Variants in SEPTIN12 observed in about 807,000 individuals in gnomAD.
SEPTIN12 encodes septin-12.
Under a neutral mutation model 37.7 loss-of-function variants are expected in SEPTIN12, and 42 were observed. The observed-to-expected ratio is 1.11, with a 90% confidence interval of 0.87 to 1.44. The LOEUF (loss-of-function observed/expected upper bound fraction) is 1.44, where lower values mean the gene tolerates loss of function less well. SEPTIN12 is among the 40% of genes most tolerant of loss of function. The probability of loss-of-function intolerance (pLI) is 0.00; values close to 1 mark genes in which losing one functional copy is unlikely to be tolerated. For missense variants in SEPTIN12, 613 were observed against 479.2 expected, an observed-to-expected ratio of 1.28 and a Z score of -2.61; for synonymous variants, 254 against 196.7, an observed-to-expected ratio of 1.29 and a Z score of -2.44.
Position 4,777,892 on chromosome 16 carries a change from C to G in SEPTIN12, c.982G>C (p.Val328Leu). The G allele has an allele frequency of 1.3e-6, 2 of 1,598,890 alleles. No individual in the cohort carries two copies. Among genetic ancestry groups the G allele is most frequent in the East Asian group, 2.3e-5 (1 of 44,344 alleles). Residue 328 changes from valine to leucine, a missense_variant, in exon 10 of 10, where the codon GTG (valine) becomes CTG (leucine). Val to Leu is a conservative substitution (Grantham distance 32). Transcript: ENST00000268231. ...CCTGGGGAGGCCGGGGCCAGGTTCA[C>G]CCAGCCGGGCCCGCGGGGCAGCAGG... is the stretch of plus-strand genomic sequence containing the variant. ...SHLLPRGPGW[V>L]NLAPASPGQL...
At position 4,779,889 on chromosome 16, in the gene SEPTIN12, G is replaced by A. The variant is rs900834164; in HGVS notation, c.727-103C>T. 2.1e-5 allele frequency: 16 copies of A among 754,630 alleles called. 1 individual carries two copies. The highest frequency in any genetic ancestry group is 1.6e-4 in the South Asian group (11 of 68,910). 46.7% of individuals were successfully genotyped at this position (754,630 alleles called of 1,614,324 possible). A position where few individuals can be genotyped will look rare whatever the true frequency, so the allele number is the denominator to read the frequency against. On this transcript the variant is annotated intron_variant, in intron 7 of 9. Transcript: ENST00000268231. ...AGGAGAGGGGAGTCCTATCCTTTTC[G>A]AGGAGGGAACATGGTAGAAAGTGCA...
chr16:4,779,819 T>C (rs755909600), intron 7 of SEPTIN12, 33 bp from the exon 8 acceptor site: 3 of 1,434,276 alleles, frequency 2.1e-6, no homozygotes, highest in Non-Finnish European at 3.0e-6. Flanking sequence ...GATGGGAGGA[T>C]TGACTTCGCT....
At chr16:4,783,883 C>G in intron 5 of SEPTIN12, 48 bp downstream of exon 5, 1 of 1,612,566 alleles carries the variant, frequency 6.2e-7, no homozygotes, top group Admixed American at 1.7e-5. Flanking sequence ...TTCTCCTCCT[C>G]CCTGCCCCGT....
At chr16:4,787,370 G>C (rs2082471916) in intron 2 of SEPTIN12, 110 bp downstream of exon 2, 2 of 951,050 alleles carry the variant, frequency 2.1e-6, no homozygotes, top group South Asian at 2.6e-5. Flanking sequence ...CTATTATCAG[G>C]CCCACCTAAG....
chr16:4,779,784 G>A lies in SEPTIN12; in HGVS notation c.729C>T (p.Asp243=), dbSNP rs374070665. 5.0e-6 allele frequency: 8 copies of A among 1,608,422 alleles called. No individual in the cohort carries two copies. The highest frequency in any genetic ancestry group is 1.6e-4 in the Middle Eastern group (1 of 6,066). ...NDKILNSKLR[D]RIPFAVVGAD... is the part of the protein sequence containing the mutation. Reference sequence around the variant, plus strand: ...CCCCTACCACGGCAAAAGGGATTCGGTCCTGGGAAAGGAGAAGACACAGAG... The same window carrying A: ...CCCCTACCACGGCAAAAGGGATTCGATCCTGGGAAAGGAGAAGACACAGAG... The change falls in exon 8 of 10, where the codon GAC becomes GAT. Residue 243 remains aspartate, a splice_region_variant and synonymous_variant. Transcript: ENST00000268231.
At chr16:4,782,610 CT>C (rs952525438) in intron 7 of SEPTIN12, among the ~76,000 whole-genome samples, 23 of 148,972 alleles carry the variant, frequency 1.5e-4, no homozygotes, top group Middle Eastern at 6.8e-3. Flanking sequence ...TTCCACAGCA[CT>C]TTTTTTTTTA....
intron 7 of SEPTIN12, among the ~76,000 whole-genome samples, chr16:4,781,702 C>T (rs1056772985): frequency 6.5e-5 from 9 of 138,568 alleles, no homozygotes; most frequent in Non-Finnish European, 9.2e-5. Flanking sequence ...TGGGGTGCAA[C>T]GGTGTGATCT....
chr16:4,786,535 T>C (rs1245667681), intron 2 of SEPTIN12, among the ~76,000 whole-genome samples: 7 of 151,726 alleles, frequency 4.6e-5, no homozygotes, highest in Non-Finnish European at 1.0e-4. Flanking sequence ...TTTTGTATTT[T>C]TAGTAGAGAC....
chr16:4,777,828 C>A lies in SEPTIN12; in HGVS notation c.1046G>T (p.Gly349Val). ...CTCATCATCAGAATCGTCATGGGCC[C>A]CCCTGCAGACCTTGAAGGTCCGGGG... ...TTPRTFKVCR[G>V]AHDDSDDEF The change falls in exon 10 of 10, where the codon GGG (glycine) becomes GTG (valine). Residue 349 changes from glycine to valine, a missense_variant. By Grantham distance (109) the Gly-to-Val change is moderately radical. Coordinates refer to ENST00000268231, the MANE Select transcript of SEPTIN12 (RefSeq NM_144605.5). The A allele has an allele frequency of 6.3e-7, 1 of 1,583,924 alleles. No individual in the cohort carries two copies. Among genetic ancestry groups the A allele is most frequent in the Non-Finnish European group, 8.6e-7 (1 of 1,165,958 alleles).
intron 8 of SEPTIN12, among the ~76,000 whole-genome samples, chr16:4,779,241 C>T (rs1239937018): frequency 1.3e-5 from 2 of 151,796 alleles, no homozygotes; most frequent in East Asian, 1.9e-4. Context: ...TCCTCTCCCT[C>T]CCGCCACAAT....
chr16:4,791,415 T>C (rs2082549086), upstream of SEPTIN12, among the ~76,000 whole-genome samples: 1 of 152,186 alleles, frequency 6.6e-6, no homozygotes, highest in Admixed American at 6.6e-5. Flanking sequence ...CTGTGAGCCT[T>C]CCATCATGCT....
intron 4 of SEPTIN12, among the ~76,000 whole-genome samples, chr16:4,784,589 G>GGGAAACGGCAACTCTACAAAAAATACAC (rs1567567165): frequency 2.0e-5 from 3 of 149,556 alleles, no homozygotes; most frequent in South Asian, 4.4e-4. Flanking sequence ...GGGCAACATG[G>GGGAAACGGCAACTCTACAAAAAATACAC]GGAAACGCCA....
intron 8 of SEPTIN12, among the ~76,000 whole-genome samples, chr16:4,778,493 C>A (rs2082337910): frequency 6.6e-6 from 1 of 152,206 alleles, no homozygotes; most frequent in African/African-American, 2.4e-5. Context: ...GGTGCTATAT[C>A]ATAGGCAATA....
At position 4,777,933 on chromosome 16, in the gene SEPTIN12, C is replaced by A. The variant is rs1292097744; in HGVS notation, c.941G>T (p.Arg314Ile). Reference protein sequence around the residue: ...NIHYENYRVIRLNESHLLPRG... With the variant: ...NIHYENYRVIILNESHLLPRG... ...GGGCAGCAGGTGGCTTTCATTGAGT[C>A]TGATGACGCGGTAGTTCTCATAGTG... The change falls in exon 10 of 10, where the codon AGA becomes ATA. Residue 314 changes from arginine to isoleucine, a missense_variant. Transcript: ENST00000268231. The A allele has an allele frequency of 6.2e-7, 1 of 1,607,742 alleles. No homozygotes were observed. The highest frequency in any genetic ancestry group is 8.5e-7 in the Non-Finnish European group (1 of 1,177,426).
At chr16:4,790,599 C>T (rs1368051717), upstream of SEPTIN12, among the ~76,000 whole-genome samples, 1 of 152,110 alleles carries the variant, frequency 6.6e-6, no homozygotes, top group Non-Finnish European at 1.5e-5. Context: ...ACCAGCCTGG[C>T]CAACATGGCG....
intron 6 of SEPTIN12, 35 bp downstream of exon 6, chr16:4,783,614 C>CTCCCT (rs759214047): frequency 6.2e-7 from 1 of 1,612,116 alleles, no homozygotes; most frequent in Non-Finnish European, 8.5e-7. Context: ...CCTCTGCCCC[C>CTCCCT]GCTGACCCCA....
rs1159602665 is a variant in SEPTIN12 at position 4,787,452 on chromosome 16, C to A, written c.166+28G>T. The A allele has an allele frequency of 2.5e-6, 4 of 1,607,990 alleles. No individual in the cohort carries two copies. In the Admixed American group the frequency reaches 5.0e-5, roughly 20 times the overall value. ...GGCACGCGTAGCACTGTGGGTCTGT[C>A]CTGCCGTGGGCCCTACCTCTCACTC... is the stretch of plus-strand genomic sequence containing the variant. On this transcript the variant is annotated intron_variant, in intron 2 of 9. Transcript: ENST00000268231.
rs748781072 is a variant in SEPTIN12 at position 4,783,697 on chromosome 16, G to A, written c.582C>T (p.Ala194=). Residue 194 remains alanine (A), a synonymous_variant, in exon 6 of 10, where the codon GCC becomes GCT. Coordinates refer to ENST00000268231, the MANE Select transcript of SEPTIN12 (RefSeq NM_144605.5). ...CCTCCATGGTCAGGCTGTCGGCCCT[G>A]GCAATCACGGGCACCACATTCACAG... ...CRTVNVVPVI[A]RADSLTMEER... is the part of the protein sequence containing the mutation. The A allele has an allele frequency of 3.1e-6, 5 of 1,613,964 alleles. No homozygotes were observed. In the Admixed American group the frequency reaches 5.0e-5, roughly 16 times the overall value.
intron 7 of SEPTIN12, among the ~76,000 whole-genome samples, chr16:4,782,406 G>A (rs1360244084): frequency 6.6e-6 from 1 of 152,144 alleles, no homozygotes; most frequent in East Asian, 1.9e-4. Context: ...ATGCTGCTGT[G>A]AACATTCACG....
Sources: allele counts gnomAD v4.1 joint callset (sites outside exome capture counted in the v4.1 genomes callset), GRCh38; gene constraint gnomAD v4.1.1; transcripts MANE v1.5; gene names NCBI Gene and HGNC (gene_info 2026-07-23, HGNC 2026-07-21).